CSGALNACT1: variants seen among roughly 807,000 people sequenced by gnomAD.
CSGALNACT1 encodes beta4GalNAcT-1.
Under a neutral mutation model 51.0 loss-of-function variants are expected in CSGALNACT1, and 52 were observed. The ratio of observed to expected loss-of-function variants is 1.02; its 90% confidence interval spans 0.82 to 1.29. The LOEUF (loss-of-function observed/expected upper bound fraction) is 1.29, where lower values mean the gene tolerates loss of function less well. Among genes scored for constraint, CSGALNACT1 ranks in the 50% most tolerant of loss-of-function variants. CSGALNACT1 has a pLI of 0.00. For missense variants in CSGALNACT1, 935 were observed against 679.2 expected, an observed-to-expected ratio of 1.38 and a Z score of -4.19; for synonymous variants, 341 against 254.4, an observed-to-expected ratio of 1.34 and a Z score of -3.24.
intron 1 of CSGALNACT1, among the ~76,000 whole-genome samples, chr8:19,748,738 G>A (rs970427825): frequency 6.6e-6 from 1 of 152,114 alleles, no homozygotes; most frequent in Non-Finnish European, 1.5e-5. Flanking sequence ...ATCAAGGAGG[G>A]TGGATCACCT....
intron 1 of CSGALNACT1, among the ~76,000 whole-genome samples, chr8:19,645,648 A>G (rs2057201773): frequency 6.6e-6 from 1 of 152,370 alleles, no homozygotes; most frequent in South Asian, 2.1e-4. Context: ...GGAAGCTGTA[A>G]GTCCATTATG....
chr8:19,448,793 C>A (rs1261651161), intron 5 of CSGALNACT1, among the ~76,000 whole-genome samples: 1 of 152,134 alleles, frequency 6.6e-6, no homozygotes, highest in Non-Finnish European at 1.5e-5. Flanking sequence ...TGATGAATAC[C>A]TATTTAGGCT....
chr8:19,754,181 C>T (rs2065217683), intron 1 of CSGALNACT1, among the ~76,000 whole-genome samples: 1 of 152,074 alleles, frequency 6.6e-6, no homozygotes, highest in African/African-American at 2.4e-5. Flanking sequence ...GCATGTGCCA[C>T]CATGCCCAGC....
chr8:19,469,935 G>A (rs1019059903), intron 4 of CSGALNACT1, among the ~76,000 whole-genome samples: 1 of 152,190 alleles, frequency 6.6e-6, no homozygotes, highest in Non-Finnish European at 1.5e-5. Context: ...GGGAGGGAGG[G>A]AAGAAGAAAG....
chr8:19,712,898 G>A (rs775785025), intron 1 of CSGALNACT1, among the ~76,000 whole-genome samples: 47 of 152,312 alleles, frequency 3.1e-4, no homozygotes, highest in Non-Finnish European at 5.7e-4. Flanking sequence ...AATCCTGACT[G>A]ATGTTAAGGC....
At chr8:19,707,651 A>G (rs1390747766) in intron 1 of CSGALNACT1, among the ~76,000 whole-genome samples, 1 of 125,946 alleles carries the variant, frequency 7.9e-6, no homozygotes, top group East Asian at 2.9e-4. Flanking sequence ...GACTAGATAA[A>G]CAGTATATGT....
At position 19,666,760 on chromosome 8, in the gene CSGALNACT1, G is replaced by GAAGAAAGA. The variant is rs560533569; in HGVS notation, c.-544+15705_-544+15712dup. ...AGAAACACAAGAAACAAGAAAGAAA[G>GAAGAAAGA]AAGAAAGAAAGAAAGAAAGAAAGAA... On this transcript the variant is annotated intron_variant, in intron 1 of 9. Coordinates refer to the CSGALNACT1 transcript ENST00000332246. 4.8e-3 allele frequency among the ~76,000 whole-genome samples: 272 copies of GAAGAAAGA among 56,568 alleles called. 2 individuals carry two copies. Among genetic ancestry groups the GAAGAAAGA allele is most frequent in the South Asian group, 8.1e-3 (12 of 1,486 alleles). 37.1% of individuals were successfully genotyped at this position (56,568 alleles called of 152,430 possible).
intron 1 of CSGALNACT1, among the ~76,000 whole-genome samples, chr8:19,648,789 G>C (rs2057509931): frequency 6.6e-6 from 1 of 152,206 alleles, no homozygotes; most frequent in Non-Finnish European, 1.5e-5. Context: ...CTGCGTGACA[G>C]AGTGGGACCC....
intron 4 of CSGALNACT1, among the ~76,000 whole-genome samples, chr8:19,464,018 A>C (rs1358175578): frequency 6.6e-6 from 1 of 152,110 alleles, no homozygotes; most frequent in Non-Finnish European, 1.5e-5. Context: ...ACCACTCCTG[A>C]CTCAGATTCC....
At chr8:19,440,509 AT>A (rs1461072235) in intron 5 of CSGALNACT1, among the ~76,000 whole-genome samples, 1 of 151,964 alleles carries the variant, frequency 6.6e-6, no homozygotes, top group African/African-American at 2.4e-5. Flanking sequence ...CTTTGACAAA[AT>A]TCAACAACCC....
chr8:19,444,796 T>G (rs2061859534), intron 5 of CSGALNACT1, among the ~76,000 whole-genome samples: 1 of 152,088 alleles, frequency 6.6e-6, no homozygotes, highest in African/African-American at 2.4e-5. Context: ...ATCAGACATC[T>G]CATGGCACTG....
intron 1 of CSGALNACT1, among the ~76,000 whole-genome samples, chr8:19,670,152 T>A (rs1032480245): frequency 6.6e-6 from 1 of 152,204 alleles, no homozygotes; most frequent in African/African-American, 2.4e-5. Flanking sequence ...GTAATGTGGC[T>A]TTCCTACTCA....
At chr8:19,671,995 T>C (rs1430664327) in intron 1 of CSGALNACT1, among the ~76,000 whole-genome samples, 3 of 152,228 alleles carry the variant, frequency 2.0e-5, no homozygotes, top group Non-Finnish European at 4.4e-5. Context: ...AAAAAGCTAT[T>C]ATAAATAACG....
chr8:19,583,776 C>T (rs946039495), intron 3 of CSGALNACT1, among the ~76,000 whole-genome samples: 3 of 152,190 alleles, frequency 2.0e-5, no homozygotes, highest in Admixed American at 1.3e-4. Flanking sequence ...AAAGCCTGCA[C>T]TTTGGGGTTG....
At chr8:19,513,436 C>CTCTCTCTATATATATATATATATATATA in intron 3 of CSGALNACT1, among the ~76,000 whole-genome samples, 5 of 81,966 alleles carry the variant, frequency 6.1e-5, no homozygotes, top group Non-Finnish European at 7.7e-5. Context: ...CTCTCTCTCT[C>CTCTCTCTATATATATATATATATATATA]TATATATATA....
chr8:19,520,203 G>A (rs994072682), intron 3 of CSGALNACT1, among the ~76,000 whole-genome samples: 12 of 152,200 alleles, frequency 7.9e-5, no homozygotes, highest in Admixed American at 2.6e-4. Context: ...CAGAATGCAC[G>A]TATTGTGCAG....
At position 19,666,835 on chromosome 8, in the gene CSGALNACT1, A is replaced by AGAGAG. The variant is rs1564383750; in HGVS notation, c.-544+15637_-544+15638insCTCTC. On this transcript the variant is annotated intron_variant, in intron 1 of 9. Coordinates refer to the CSGALNACT1 transcript ENST00000332246. ...AGAGAGAGAGAGAGAGAGAGAGAGA[A>AGAGAG]AGAAAGAAAGAAAGAAAGAAAGAAA... is the stretch of plus-strand genomic sequence containing the variant. Among the ~76,000 whole-genome samples the AGAGAG allele has an allele frequency of 2.6e-4, 8 of 31,084 alleles. 2 individuals carry two copies. Among genetic ancestry groups the AGAGAG allele is most frequent in the African/African-American group, 7.4e-4 (4 of 5,428 alleles). 20.4% of individuals were successfully genotyped at this position (31,084 alleles called of 152,430 possible). A position where few individuals can be genotyped will look rare whatever the true frequency, so the allele number is the denominator to read the frequency against.
intron 1 of CSGALNACT1, among the ~76,000 whole-genome samples, chr8:19,618,109 C>A (rs1297745822): frequency 6.6e-6 from 1 of 151,944 alleles, no homozygotes; most frequent in Non-Finnish European, 1.5e-5. Context: ...AAAGTCCTGG[C>A]CTCAAGTGGT....
At chr8:19,418,282 C>T (rs1430411088) in intron 8 of CSGALNACT1, among the ~76,000 whole-genome samples, 1 of 152,136 alleles carries the variant, frequency 6.6e-6, no homozygotes, top group Non-Finnish European at 1.5e-5. Context: ...TGAGCCACCC[C>T]ATTCTGATTT....
Sources: allele counts gnomAD v4.1 joint callset (sites outside exome capture counted in the v4.1 genomes callset), GRCh38; gene constraint gnomAD v4.1.1; transcripts MANE v1.5; gene names NCBI Gene and HGNC (gene_info 2026-07-23, HGNC 2026-07-21).